Variants in FAM120C observed in about 807,000 individuals in gnomAD.
The protein encoded by FAM120C is family with sequence similarity 120 member C, also known as constitutive coactivator of PPAR-gamma-like protein 2.
A neutral mutation model predicts 71.2 loss-of-function variants in FAM120C; 14 were observed. The observed-to-expected ratio is 0.20, with a 90% CI of 0.13 to 0.31. The LOEUF is 0.31. Ranked by LOEUF, FAM120C falls within the 10% of genes least tolerant of loss-of-function variation. The pLI, the probability that FAM120C is intolerant of heterozygous loss-of-function variation, is 1.00. For missense variants in FAM120C, 500 were observed against 879.0 expected, an observed-to-expected ratio of 0.57 and a Z score of 5.45; for synonymous variants, 354 against 353.2, an observed-to-expected ratio of 1.00 and a Z score of -0.03.
At chrX:54,123,703 C>A (rs1785287764) in intron 9 of FAM120C, among the ~76,000 whole-genome samples, 1 of 63,073 alleles carries the variant, frequency 1.6e-5, no homozygotes, top group Non-Finnish European at 2.9e-5. Context: ...TCGTCTGAAG[C>A]CTTCTTCTCT....
intron 5 of FAM120C, 73 bp from the exon 6 acceptor site, chrX:54,135,677 T>C: frequency 1.2e-6 from 1 of 813,762 alleles, no homozygotes; most frequent in African/African-American, 2.0e-5. Context: ...GCTCACCCCA[T>C]ATCACCTGAA....
chrX:54,093,246 C>T (rs1323649372), intron 10 of FAM120C, among the ~76,000 whole-genome samples: 3 of 112,150 alleles, frequency 2.7e-5, no homozygotes, highest in Non-Finnish European at 3.8e-5. Context: ...TTGTACCAGT[C>T]ATATCCTGAA....
Position 54,159,692 on chromosome X carries a change from T to C in FAM120C, c.700-76A>G, listed in dbSNP as rs146983738. 881 of 1,052,851 alleles carry C rather than the reference T, an allele frequency of 8.4e-4. 12 individuals carry two copies. In the East Asian group the frequency reaches 0.025, roughly 30 times the overall value. The allele number at this position is 1,052,851 out of a possible 1,213,427, so 86.8% of individuals were successfully genotyped here. On this transcript the variant is annotated intron_variant, in intron 1 of 15. Transcript: ENST00000375180. Reference sequence around the variant, plus strand: ...TTAGAAGGTCAGGAGGTTTAGCAACTAAATTTTATAGTTTGGTGAAATTTG... The same window carrying C: ...TTAGAAGGTCAGGAGGTTTAGCAACCAAATTTTATAGTTTGGTGAAATTTG...
intron 10 of FAM120C, among the ~76,000 whole-genome samples, chrX:54,094,328 A>ATCTGCCCG (rs2066839495): frequency 9.5e-6 from 1 of 105,706 alleles, no homozygotes; most frequent in Admixed American, 1.0e-4. Context: ...CGAACTCCTG[A>ATCTGCCCG]CCTCGTGATC....
intron 4 of FAM120C, among the ~76,000 whole-genome samples, chrX:54,145,327 A>C (rs1321907079): frequency 8.9e-6 from 1 of 111,887 alleles, no homozygotes; most frequent in Non-Finnish European, 1.9e-5. Context: ...GGATCTAATT[A>C]AACTAAAGAG....
At position 54,069,940 on chromosome X, in the gene FAM120C, C is replaced by G. The variant is rs1428635099; in HGVS notation, c.*3093G>C. On this transcript the variant is annotated 3_prime_UTR_variant, in exon 16 of 16. Coordinates refer to ENST00000375180, the MANE Select transcript of FAM120C (RefSeq NM_017848.6). ...GTGACTATACACAACCAGTGTTTTG[C>G]TTATGGTCCTACAATGTAAAGGGGT... The G allele has an allele frequency of 2.7e-5, 3 of 111,518 alleles. No homozygotes were observed. Among genetic ancestry groups the G allele is most frequent in the Non-Finnish European group, 5.6e-5 (3 of 53,109 alleles). The allele number at this position is 111,518 out of a possible 1,213,427, so 9.2% of individuals were successfully genotyped here.
chrX:54,149,784 G>A (rs1338450989), intron 4 of FAM120C, among the ~76,000 whole-genome samples: 3 of 111,742 alleles, frequency 2.7e-5, no homozygotes, highest in African/African-American at 9.8e-5. Flanking sequence ...GTTTTTTGGG[G>A]TAGTACAACT....
At chrX:54,137,248 C>T (rs1483117342) in intron 4 of FAM120C, among the ~76,000 whole-genome samples, 4 of 111,193 alleles carry the variant, frequency 3.6e-5, no homozygotes, top group African/African-American at 9.8e-5. Context: ...CCACGGTGCC[C>T]GGCCAATTTT....
At chrX:54,078,398 T>C (rs1557120942) in intron 15 of FAM120C, among the ~76,000 whole-genome samples, 1 of 111,817 alleles carries the variant, frequency 8.9e-6, no homozygotes, top group East Asian at 2.8e-4. Context: ...TTTACCTTAC[T>C]GAGCAGCTTC....
chrX:54,079,359 G>A (rs1347725505), intron 15 of FAM120C, among the ~76,000 whole-genome samples: 3 of 110,909 alleles, frequency 2.7e-5, no homozygotes, highest in African/African-American at 9.8e-5. Context: ...AGGATTGCGT[G>A]AGGCAAGGAG....
In FAM120C at chrX:54,086,082, C is replaced by T. The variant is rs1280564965; in HGVS notation, c.2638-166G>A. ...AAAGCTACACACTCAGGAAGCCTGT[C>T]TGGCACCAAAGCCCCGACTCTTTAC... On this transcript the variant is annotated intron_variant, in intron 12 of 15. Transcript: ENST00000375180. Among the ~76,000 whole-genome samples the T allele has an allele frequency of 2.7e-5, 3 of 111,707 alleles. No individual in the cohort carries two copies. In the Admixed American group the frequency reaches 2.9e-4, roughly 11 times the overall value.
At chrX:54,149,571 G>T (rs1428138943) in intron 4 of FAM120C, among the ~76,000 whole-genome samples, 1 of 110,079 alleles carries the variant, frequency 9.1e-6, no homozygotes, top group African/African-American at 3.3e-5. Flanking sequence ...CCAGGGAGGC[G>T]GAGGTTGTAG....
intron 10 of FAM120C, among the ~76,000 whole-genome samples, chrX:54,100,426 G>A (rs1458919252): frequency 1.8e-5 from 2 of 111,926 alleles, no homozygotes; most frequent in Non-Finnish European, 3.8e-5. Context: ...CGGGGAGGCG[G>A]AGCTTGCAGT....
At chrX:54,158,852 T>C (rs1557134026) in intron 2 of FAM120C, among the ~76,000 whole-genome samples, 1 of 112,112 alleles carries the variant, frequency 8.9e-6, no homozygotes, top group African/African-American at 3.2e-5. Context: ...GAGTAAAATG[T>C]TAATGGCAGA....
intron 4 of FAM120C, among the ~76,000 whole-genome samples, chrX:54,138,495 C>CAA (rs781947470): frequency 0.028 from 1,121 of 40,747 alleles, 39 homozygotes; most frequent in African/African-American, 0.04. Flanking sequence ...GACACTGTCT[C>CAA]AAAAAAAAAA....
At chrX:54,095,954 C>T (rs2066849474) in intron 10 of FAM120C, among the ~76,000 whole-genome samples, 1 of 111,615 alleles carries the variant, frequency 9.0e-6, no homozygotes, top group South Asian at 3.7e-4. Flanking sequence ...CTGTGCCAGG[C>T]CACATCTTTT....
intron 3 of FAM120C, 73 bp from the exon 4 acceptor site, chrX:54,151,446 G>A (rs1393599325): frequency 9.5e-6 from 10 of 1,050,765 alleles, no homozygotes; most frequent in Middle Eastern, 3.2e-4. Flanking sequence ...AAGTTGAGGG[G>A]AGATATGGAA....
intron 10 of FAM120C, among the ~76,000 whole-genome samples, chrX:54,098,750 A>C (rs782221055): frequency 6.3e-5 from 7 of 110,642 alleles, no homozygotes; most frequent in African/African-American, 1.6e-4. Flanking sequence ...CAGCCTCCTG[A>C]GTAGCTGGGA....
At position 54,151,041 on chromosome X, in the gene FAM120C, A is replaced by G. The variant is rs147831909; in HGVS notation, c.1158+204T>C. 6.2e-3 allele frequency among the ~76,000 whole-genome samples: 690 copies of G among 111,566 alleles called. 6 individuals are homozygous for G. The highest frequency in any genetic ancestry group is 0.025 in the South Asian group (68 of 2,676). On this transcript the variant is annotated intron_variant, in intron 4 of 15. Coordinates refer to ENST00000375180, the MANE Select transcript of FAM120C (RefSeq NM_017848.6). ...AGAATGGGCTTATATTACTTTAATC[A>G]TCAGTAGAAAAAAAGGTAAAGGGCA...
Sources: allele counts gnomAD v4.1 joint callset (sites outside exome capture counted in the v4.1 genomes callset), GRCh38; gene constraint gnomAD v4.1.1; transcripts MANE v1.5; gene names NCBI Gene and HGNC (gene_info 2026-07-23, HGNC 2026-07-21).